TMEM63A: variants seen among roughly 807,000 people sequenced by gnomAD.
TMEM63A encodes the protein transmembrane protein 63A, also known as mechanosensitive cation channel TMEM63A.
In TMEM63A, 76 loss-of-function variants were observed where a neutral mutation model predicts 100.6. The observed-to-expected ratio is 0.76, with a 90% CI of 0.63 to 0.91. TMEM63A has a LOEUF of 0.91. Among genes scored for constraint, TMEM63A ranks in the 40% least tolerant of loss-of-function variants. TMEM63A has a pLI of 0.00. For synonymous variants in TMEM63A, 401 were observed against 401.1 expected, an observed-to-expected ratio of 1.00 and a Z score of 0.00; for missense variants, 876 against 1,008.8, an observed-to-expected ratio of 0.87 and a Z score of 1.78.
chr1:225,849,131 A>G, intron 21 of TMEM63A, 119 bp from the exon 22 acceptor site: 1 of 761,590 alleles, frequency 1.3e-6, no homozygotes, highest in Non-Finnish European at 2.2e-6. Context: ...TCCCTCAGGC[A>G]GAAAATAAAG....
Position 225,865,981 on chromosome 1 carries a change from A to G in TMEM63A, c.676-14T>C. On this transcript the variant is annotated splice_polypyrimidine_tract_variant and intron_variant, in intron 9 of 24. Transcript: ENST00000366835. The surrounding 1 kb of genome is among the most constrained non-coding windows in gnomAD (Gnocchi z 4.6). ...GGTCCGCCTCACCTGTCCGGGAAATACAGCAGGGAGAGAAGTCACCCACAA... is the reference window on the plus strand; with the variant it reads ...GGTCCGCCTCACCTGTCCGGGAAATGCAGCAGGGAGAGAAGTCACCCACAA... The G allele has an allele frequency of 6.2e-7, 1 of 1,613,438 alleles. No individual in the cohort carries two copies. The highest frequency in any genetic ancestry group is 1.7e-4 in the Middle Eastern group (1 of 6,054).
At chr1:225,875,433 G>A (rs1387114881) in intron 3 of TMEM63A, among the ~76,000 whole-genome samples, 1 of 152,156 alleles carries the variant, frequency 6.6e-6, no homozygotes, top group African/African-American at 2.4e-5. Flanking sequence ...ATACATCTTA[G>A]TAAGCACATC....
chr1:225,856,735 C>A lies in TMEM63A; in HGVS notation c.1488G>T (p.Ser496=). The change falls in exon 17 of 25, where the codon TCG becomes TCT. Residue 496 remains serine, a synonymous_variant. Transcript: ENST00000366835. ...STLLESHWTK[S]GENQIMMTKV... ...TGGTCATCATGATCTGGTTTTCCCC[C>A]GACCTGCAGGAAGTCAAAGGTGAGC... The A allele has an allele frequency of 6.2e-7, 1 of 1,613,470 alleles. No individual in the cohort carries two copies. Among genetic ancestry groups the A allele is most frequent in the Non-Finnish European group, 8.5e-7 (1 of 1,179,824 alleles).
In TMEM63A at chr1:225,865,834, G is replaced by A. The variant is rs537041433; in HGVS notation, c.746+63C>T. On this transcript the variant is annotated intron_variant, in intron 10 of 24. Coordinates refer to ENST00000366835, the MANE Select transcript of TMEM63A (RefSeq NM_014698.3). The surrounding 1 kb of genome is among the most constrained non-coding windows in gnomAD (Gnocchi z 4.6). ...CGCTCACCTAAGGTGCTCGCCCTGCGGGTGGGGCTGTGTTGGTCCTACGTG... is the reference window on the plus strand; with the variant it reads ...CGCTCACCTAAGGTGCTCGCCCTGCAGGTGGGGCTGTGTTGGTCCTACGTG... 8.3e-6 allele frequency: 13 copies of A among 1,564,748 alleles called. No individual in the cohort carries two copies. Among genetic ancestry groups the A allele is most frequent in the East Asian group, 2.3e-5 (1 of 43,746 alleles).
Position 225,867,100 on chromosome 1 carries a change from C to T in TMEM63A, c.566+12G>A. Reference sequence around the variant, plus strand: ...ACCCATCAGCACCTATCCCCACGGGCTCCATACTCACTCAGTCTGTAGGTT... The same window carrying T: ...ACCCATCAGCACCTATCCCCACGGGTTCCATACTCACTCAGTCTGTAGGTT... On this transcript the variant is annotated intron_variant, in intron 8 of 24. Transcript: ENST00000366835. This position sits in a 1 kb window ranked among gnomAD's most constrained non-coding sequence, Gnocchi z 4.6. 1 of 1,614,138 alleles carries T rather than the reference C, an allele frequency of 6.2e-7. No individual in the cohort carries two copies. The highest frequency in any genetic ancestry group is 8.5e-7 in the Non-Finnish European group (1 of 1,180,002).
intron 23 of TMEM63A, chr1:225,848,143 G>A (rs901802594): frequency 7.8e-6 from 2 of 257,360 alleles, no homozygotes; most frequent in South Asian, 9.0e-5. Flanking sequence ...CAGGTGCATC[G>A]CTGATGACAA....
intron 3 of TMEM63A, among the ~76,000 whole-genome samples, chr1:225,876,457 G>A (rs1354256265): frequency 6.6e-6 from 1 of 152,118 alleles, no homozygotes; most frequent in Non-Finnish European, 1.5e-5. Context: ...GTATCAAGAG[G>A]CACTGGCCAG....
chr1:225,873,932 C>T (rs932792777), intron 4 of TMEM63A, among the ~76,000 whole-genome samples: 14 of 152,220 alleles, frequency 9.2e-5, no homozygotes, highest in African/African-American at 3.4e-4. Flanking sequence ...ATAGCCTTGG[C>T]CCAACAGAAG....
rs1315264458 is a variant in TMEM63A at position 225,855,895 on chromosome 1, C to T, written c.1617G>A (p.Glu539=). The T allele has an allele frequency of 1.2e-6, 2 of 1,614,098 alleles. No individual in the cohort carries two copies. Among genetic ancestry groups the T allele is most frequent in the South Asian group, 1.1e-5 (1 of 91,064 alleles). ...FRWLFDKTSS[E]ASIRLECVFL... is the part of the protein sequence containing the mutation. Reference sequence around the variant, plus strand: ...ATACTCACTCCAACCTGATGGAGGCCTCCGAGGAAGTTTTGTCAAAGAGCC... The same window carrying T: ...ATACTCACTCCAACCTGATGGAGGCTTCCGAGGAAGTTTTGTCAAAGAGCC... The change falls in exon 18 of 25, where the codon GAG becomes GAA. Residue 539 remains glutamate, a synonymous_variant. Transcript: ENST00000366835.
At chr1:225,848,812 A>G in intron 22 of TMEM63A, 85 bp downstream of exon 22, 6 of 1,114,016 alleles carry the variant, frequency 5.4e-6, no homozygotes, top group South Asian at 4.1e-5. Flanking sequence ...TGATACAGAC[A>G]AGGGTGGGCG....
At chr1:225,857,162 T>C (rs1669664480) in intron 15 of TMEM63A, 145 bp from the exon 16 acceptor site, 3 of 619,080 alleles carry the variant, frequency 4.8e-6, no homozygotes, top group Non-Finnish European at 8.1e-6. Context: ...CTGTGCCAGG[T>C]ACAGAGTTGG....
At chr1:225,873,361 G>A (rs1336434472) in intron 4 of TMEM63A, among the ~76,000 whole-genome samples, 2 of 152,122 alleles carry the variant, frequency 1.3e-5, no homozygotes, top group African/African-American at 2.4e-5. Context: ...AGGGATCACG[G>A]GGAAAGATGG....
In TMEM63A at chr1:225,862,864, A is replaced by G; in HGVS notation, c.747-13T>C. The G allele has an allele frequency of 1.2e-6, 2 of 1,613,326 alleles. No homozygotes were observed. Among genetic ancestry groups the G allele is most frequent in the Non-Finnish European group, 1.7e-6 (2 of 1,179,774 alleles). On this transcript the variant is annotated splice_polypyrimidine_tract_variant and intron_variant, in intron 10 of 24. Coordinates refer to ENST00000366835, the MANE Select transcript of TMEM63A (RefSeq NM_014698.3). This position sits in a 1 kb window ranked among gnomAD's most constrained non-coding sequence, Gnocchi z 5.1. Reference sequence around the variant, plus strand: ...GGGATACGCGTCCCTGTGGCCAGGGAGAGAAGGAGGCAAAAGACACCGTTG... The same window carrying G: ...GGGATACGCGTCCCTGTGGCCAGGGGGAGAAGGAGGCAAAAGACACCGTTG...
chr1:225,842,371 G>A, downstream of TMEM63A: 2 of 1,611,624 alleles, frequency 1.2e-6, no homozygotes, highest in Non-Finnish European at 1.7e-6. Flanking sequence ...GCCAGGCTCT[G>A]CTCTGAATGA....
At chr1:225,855,772 CAGA>C in intron 18 of TMEM63A, 103 bp downstream of exon 18, 1 of 1,158,198 alleles carries the variant, frequency 8.6e-7, no homozygotes, top group East Asian at 2.5e-5. Context: ...GATGCCTGTT[CAGA>C]AGCATAGGCT....
chr1:225,854,666 G>T (rs1044856515), intron 18 of TMEM63A, among the ~76,000 whole-genome samples: 3 of 152,214 alleles, frequency 2.0e-5, no homozygotes, highest in African/African-American at 7.2e-5. Flanking sequence ...AGAGTTTGAG[G>T]TGGGCAGTTG....
At chr1:225,844,745 A>G (rs1463096850), downstream of TMEM63A, 6 of 1,479,930 alleles carry the variant, frequency 4.1e-6, no homozygotes, top group African/African-American at 8.4e-5. Context: ...CAGGTGCCCC[A>G]GGGGCCCTTG....
chr1:225,856,594 A>G (rs1669627660), intron 17 of TMEM63A, 58 bp downstream of exon 17: 4 of 1,566,656 alleles, frequency 2.6e-6, no homozygotes, highest in Non-Finnish European at 3.5e-6. Context: ...TCCTGGGGAC[A>G]GTGCTCTCCT....
chr1:225,845,283 T>C (rs377705438), downstream of TMEM63A: 27 of 1,613,210 alleles, frequency 1.7e-5, no homozygotes, highest in Non-Finnish European at 2.2e-5. Flanking sequence ...TTTGCGGCCT[T>C]TGAGGAGCCG....
Sources: gnomAD v4.1 joint callset for allele counts (sites outside exome capture counted in the v4.1 genomes callset) on GRCh38, gnomAD v4.1.1 for gene constraint, Gnocchi (gnomAD v3.1) non-coding constraint, MANE v1.5 for transcripts, NCBI Gene and HGNC (gene_info 2026-07-23, HGNC 2026-07-21) for gene names.